Variants in ADAMTS3 observed in about 807,000 individuals in gnomAD.
ADAMTS3 encodes ADAM metallopeptidase with thrombospondin type 1 motif 3.
A neutral mutation model predicts 129.0 loss-of-function variants in ADAMTS3; 73 were observed. That is an observed-to-expected ratio of 0.57 (90% CI 0.47 to 0.69). The LOEUF (loss-of-function observed/expected upper bound fraction) is 0.69. Ranked by LOEUF, ADAMTS3 falls within the 30% of genes least tolerant of loss-of-function variation. The probability of loss-of-function intolerance (pLI) is 0.00; values close to 1 mark genes in which losing one functional copy is unlikely to be tolerated. For missense variants in ADAMTS3, 1,457 were observed against 1,514.5 expected, an observed-to-expected ratio of 0.96 and a Z score of 0.63; for synonymous variants, 477 against 510.8, an observed-to-expected ratio of 0.93 and a Z score of 0.89.
At chr4:72,317,767 C>T (rs1453723819) in intron 10 of ADAMTS3, among the ~76,000 whole-genome samples, 2 of 152,142 alleles carry the variant, frequency 1.3e-5, no homozygotes, top group Non-Finnish European at 2.9e-5. Context: ...GTGGCTCACG[C>T]CTGTAATCCC....
chr4:72,380,977 G>A (rs570736139), intron 4 of ADAMTS3, among the ~76,000 whole-genome samples: 1 of 152,236 alleles, frequency 6.6e-6, no homozygotes, highest in South Asian at 2.1e-4. Flanking sequence ...TACGACTTTG[G>A]AGGTGACATT....
At chr4:72,319,253 A>T in intron 9 of ADAMTS3, 79 bp downstream of exon 9, 3 of 1,528,858 alleles carry the variant, frequency 2.0e-6, no homozygotes, top group Non-Finnish European at 2.7e-6. Flanking sequence ...GAATTTTGCT[A>T]TGATCAAGTC....
intron 3 of ADAMTS3, among the ~76,000 whole-genome samples, chr4:72,468,692 T>C (rs1451301417): frequency 6.6e-6 from 1 of 151,924 alleles, no homozygotes; most frequent in Non-Finnish European, 1.5e-5. Flanking sequence ...TCGAACAACA[T>C]TGCATCAAAC....
chr4:72,530,798 ATATATATTATATAT>A (rs375522695), intron 3 of ADAMTS3, among the ~76,000 whole-genome samples: 1 of 107,144 alleles, frequency 9.3e-6, no homozygotes, highest in African/African-American at 3.8e-5. Context: ...ATTATATATT[ATATATATTATATAT>A]TATATATTAT....
chr4:72,396,057 C>A (rs116470072), intron 4 of ADAMTS3, among the ~76,000 whole-genome samples: 1 of 152,064 alleles, frequency 6.6e-6, no homozygotes, highest in Non-Finnish European at 1.5e-5. Context: ...GTACTGCTTA[C>A]CAACTGGATA....
chr4:72,317,184 AT>A (rs1719418943), intron 10 of ADAMTS3, among the ~76,000 whole-genome samples: 1 of 152,134 alleles, frequency 6.6e-6, no homozygotes. Context: ...GTGCATAGAA[AT>A]TTTTTTATTA....
At position 72,309,433 on chromosome 4, in the gene ADAMTS3, C is replaced by T. The variant is rs552175669; in HGVS notation, c.2143G>A (p.Val715Met). 63 of 1,611,924 alleles carry T rather than the reference C, an allele frequency of 3.9e-5. No homozygotes were observed. Among genetic ancestry groups the T allele is most frequent in the East Asian group, 6.7e-5 (3 of 44,794 alleles). ...GGAGTTCTGGTAAATGTCCCCTTCACGGTTCGGCAGTGGGAATTATCTCCT... is the reference window on the plus strand; with the variant it reads ...GGAGTTCTGGTAAATGTCCCCTTCATGGTTCGGCAGTGGGAATTATCTCCT... ...CGGDNSHCRT[V>M]KGTFTRTPRK... Residue 715 changes from valine (V) to methionine (M), a missense_variant, in exon 15 of 22, where the codon GTG becomes ATG. By Grantham distance (21) the Val-to-Met change is conservative (BLOSUM62 1). Transcript: ENST00000286657.
chr4:72,382,141 C>T (rs533804308), intron 4 of ADAMTS3, among the ~76,000 whole-genome samples: 3 of 152,184 alleles, frequency 2.0e-5, no homozygotes, highest in African/African-American at 7.2e-5. Context: ...CGTAAGGACC[C>T]ATCCCTGCTA....
rs937378992 is a variant in ADAMTS3, at chr4:72,281,100, T to G, written c.*2036A>C. On this transcript the variant is annotated 3_prime_UTR_variant, in exon 22 of 22. Transcript: ENST00000286657. The stretch of plus-strand genomic sequence containing the variant: ...CCAAAGGTCAGAAGTATAATGAATA[T>G]GTACATCTTTATGGAAACTGTTTGT... 1 of 152,604 alleles carries G rather than the reference T, an allele frequency of 6.6e-6. No individual in the cohort carries two copies. Among genetic ancestry groups the G allele is most frequent in the South Asian group, 2.1e-4 (1 of 4,830 alleles). 9.5% of individuals were successfully genotyped at this position (152,604 alleles called of 1,614,324 possible).
intron 3 of ADAMTS3, among the ~76,000 whole-genome samples, chr4:72,447,574 T>A (rs1718291948): frequency 6.6e-6 from 1 of 151,762 alleles, no homozygotes; most frequent in African/African-American, 2.4e-5. Flanking sequence ...GATGTAAAAA[T>A]TACTTAAGAT....
At chr4:72,478,773 T>A (rs983599037) in intron 3 of ADAMTS3, among the ~76,000 whole-genome samples, 1 of 152,138 alleles carries the variant, frequency 6.6e-6, no homozygotes, top group Non-Finnish European at 1.5e-5. Context: ...GCAGTTGACA[T>A]GATTCTATAT....
In ADAMTS3 at chr4:72,290,920, C is replaced by T. The variant is rs768134109; in HGVS notation, c.2866G>A (p.Glu956Lys). The T allele has an allele frequency of 6.8e-6, 11 of 1,614,036 alleles. No homozygotes were observed. The highest frequency in any genetic ancestry group is 3.3e-5 in the Admixed American group (2 of 60,012). The part of the protein sequence containing the change: ...HSKYCMGDRP[E>K]SRRPCNRVPC... Reference sequence around the variant, plus strand: ...ACTCTGTTACAGGGCCGGCGGCTCTCGGGACGGTCACCCATGCAGTATTTG... The same window carrying T: ...ACTCTGTTACAGGGCCGGCGGCTCTTGGGACGGTCACCCATGCAGTATTTG... The change falls in exon 20 of 22, where the codon GAG (glutamate) becomes AAG (lysine). Residue 956 changes from glutamate to lysine, a missense_variant. Coordinates refer to ENST00000286657, the MANE Select transcript of ADAMTS3 (RefSeq NM_014243.3).
intron 3 of ADAMTS3, among the ~76,000 whole-genome samples, chr4:72,449,381 T>C (rs1334574051): frequency 6.6e-6 from 1 of 151,696 alleles, no homozygotes; most frequent in Non-Finnish European, 1.5e-5. Context: ...TCTCAGGAAA[T>C]GACCCATCAG....
chr4:72,466,060 C>T (rs182511764), intron 3 of ADAMTS3, among the ~76,000 whole-genome samples: 1 of 152,178 alleles, frequency 6.6e-6, no homozygotes, highest in Non-Finnish European at 1.5e-5. Flanking sequence ...GACTAATACA[C>T]AAGTGATAAT....
intron 3 of ADAMTS3, among the ~76,000 whole-genome samples, chr4:72,474,835 G>A (rs940509480): frequency 4.0e-5 from 6 of 151,766 alleles, no homozygotes; most frequent in East Asian, 3.9e-4. Flanking sequence ...GACCATCCCG[G>A]CTAAAACGGT....
At chr4:72,285,689 T>G (rs1718486396) in intron 21 of ADAMTS3, among the ~76,000 whole-genome samples, 1 of 149,670 alleles carries the variant, frequency 6.7e-6, no homozygotes, top group African/African-American at 2.5e-5. Flanking sequence ...AAGGGAGAGA[T>G]ATTCTGAGAA....
intron 3 of ADAMTS3, among the ~76,000 whole-genome samples, chr4:72,509,723 G>A (rs1265685633): frequency 1.3e-5 from 2 of 151,302 alleles, no homozygotes; most frequent in Non-Finnish European, 2.9e-5. Flanking sequence ...AAACTATTCT[G>A]AAAAATGGAG....
At chr4:72,457,595 C>T (rs1281151258) in intron 3 of ADAMTS3, among the ~76,000 whole-genome samples, 2 of 151,614 alleles carry the variant, frequency 1.3e-5, no homozygotes, top group African/African-American at 4.8e-5. Flanking sequence ...TTATTGAGGA[C>T]TTGCAGTTTG....
chr4:72,362,988 A>G (rs1027359674), intron 4 of ADAMTS3, among the ~76,000 whole-genome samples: 1 of 152,174 alleles, frequency 6.6e-6, no homozygotes, highest in African/African-American at 2.4e-5. Context: ...AATATCAGGT[A>G]TATGAATGAC....
Sources: gnomAD v4.1 joint callset for allele counts (sites outside exome capture counted in the v4.1 genomes callset) on GRCh38, gnomAD v4.1.1 for gene constraint, MANE v1.5 for transcripts, NCBI Gene and HGNC (gene_info 2026-07-23, HGNC 2026-07-21) for gene names.